Variants in CNTN5 observed in about 807,000 individuals in gnomAD.
CNTN5 encodes contactin-5.
Under a neutral mutation model 129.1 loss-of-function variants are expected in CNTN5, and 77 were observed. The observed-to-expected ratio is 0.60, with a 90% CI of 0.50 to 0.72. The LOEUF is 0.72. CNTN5 is among the 30% of genes least tolerant of loss of function. The probability of loss-of-function intolerance (pLI) is 0.00; values close to 1 mark genes in which losing one functional copy is unlikely to be tolerated. For synonymous variants in CNTN5, 509 were observed against 465.6 expected, an observed-to-expected ratio of 1.09 and a Z score of -1.20; for missense variants, 1,478 against 1,328.8, an observed-to-expected ratio of 1.11 and a Z score of -1.75.
At chr11:99,388,538 G>A (rs986551249) in intron 2 of CNTN5, among the ~76,000 whole-genome samples, 39 of 151,912 alleles carry the variant, frequency 2.6e-4, no homozygotes, top group African/African-American at 9.2e-4. Flanking sequence ...AGAATGATAT[G>A]CAATCAATAA....
At chr11:100,003,567 A>G (rs1219280422) in intron 9 of CNTN5, among the ~76,000 whole-genome samples, 3 of 152,232 alleles carry the variant, frequency 2.0e-5, no homozygotes, top group African/African-American at 7.2e-5. Flanking sequence ...AAAACAAATT[A>G]GAAAACTAGA....
At chr11:100,167,088 C>G (rs1291270302) in intron 13 of CNTN5, among the ~76,000 whole-genome samples, 1 of 151,726 alleles carries the variant, frequency 6.6e-6, no homozygotes, top group Non-Finnish European at 1.5e-5. Context: ...AAAATCATGT[C>G]ATTTCCAACC....
intron 2 of CNTN5, among the ~76,000 whole-genome samples, chr11:99,448,396 G>A (rs560921796): frequency 1.6e-4 from 25 of 152,270 alleles, no homozygotes; most frequent in African/African-American, 5.8e-4. Context: ...TAGCTAATGA[G>A]TATATCATGC....
intron 1 of CNTN5, among the ~76,000 whole-genome samples, chr11:99,113,665 T>A (rs1463115739): frequency 1.3e-5 from 2 of 152,150 alleles, no homozygotes; most frequent in African/African-American, 2.4e-5. Context: ...GTCATATTTA[T>A]GTCCTTGAAA....
chr11:99,735,911 C>T (rs1041963599), intron 3 of CNTN5, among the ~76,000 whole-genome samples: 4 of 152,254 alleles, frequency 2.6e-5, no homozygotes, highest in East Asian at 1.9e-4. Context: ...ACTTTGTACA[C>T]CTTGACCACC....
chr11:99,992,161 C>G (rs1679940016), intron 8 of CNTN5, among the ~76,000 whole-genome samples: 1 of 152,122 alleles, frequency 6.6e-6, no homozygotes, highest in Non-Finnish European at 1.5e-5. Context: ...CTCATTAGTC[C>G]AGCCAAATTC....
chr11:99,245,221 A>T (rs1861757219), intron 1 of CNTN5, among the ~76,000 whole-genome samples: 1 of 152,216 alleles, frequency 6.6e-6, no homozygotes, highest in Non-Finnish European at 1.5e-5. Context: ...TAATTCTGGT[A>T]CAAAAGTAAG....
intron 1 of CNTN5, among the ~76,000 whole-genome samples, chr11:99,210,639 A>C (rs1465443116): frequency 6.6e-6 from 1 of 152,178 alleles, no homozygotes; most frequent in Non-Finnish European, 1.5e-5. Flanking sequence ...TCTCAAAAAG[A>C]CTAAAAATAT....
intron 16 of CNTN5, among the ~76,000 whole-genome samples, chr11:100,253,265 C>A (rs937115971): frequency 5.3e-5 from 8 of 152,160 alleles, no homozygotes; most frequent in South Asian, 2.1e-4. Flanking sequence ...GATTTACAAT[C>A]ACATCCAAAT....
At chr11:100,013,160 G>T (rs760839638) in intron 9 of CNTN5, among the ~76,000 whole-genome samples, 24 of 152,216 alleles carry the variant, frequency 1.6e-4, no homozygotes, top group Middle Eastern at 3.4e-3. Flanking sequence ...ATATGCTGTG[G>T]AGTAATAGTC....
At chr11:100,275,443 G>A (rs1950489510) in intron 18 of CNTN5, among the ~76,000 whole-genome samples, 1 of 152,190 alleles carries the variant, frequency 6.6e-6, no homozygotes, top group Admixed American at 6.5e-5. Flanking sequence ...TGTTAATTGT[G>A]TTTAAACAAA....
At chr11:99,590,803 C>T (rs1387317689) in intron 3 of CNTN5, among the ~76,000 whole-genome samples, 2 of 152,050 alleles carry the variant, frequency 1.3e-5, no homozygotes, top group African/African-American at 4.8e-5. Flanking sequence ...CTTGACCATG[C>T]TAGGGTTTAT....
chr11:99,606,014 G>A (rs1230752057), intron 3 of CNTN5, among the ~76,000 whole-genome samples: 1 of 58,130 alleles, frequency 1.7e-5, no homozygotes, highest in Admixed American at 2.2e-4. Context: ...AAAACTGGAA[G>A]CATTCCCTTT....
chr11:99,134,504 C>A (rs1165901848), intron 1 of CNTN5, among the ~76,000 whole-genome samples: 2 of 151,704 alleles, frequency 1.3e-5, no homozygotes, highest in African/African-American at 4.9e-5. Flanking sequence ...ATGTCAGTGA[C>A]CATGAGAAAA....
At chr11:99,771,183 T>C (rs1944932747) in intron 3 of CNTN5, among the ~76,000 whole-genome samples, 1 of 152,008 alleles carries the variant, frequency 6.6e-6, no homozygotes. Context: ...TGAAACAAAC[T>C]GGACTTTCAC....
At chr11:99,857,813 T>C (rs1948086229) in intron 6 of CNTN5, among the ~76,000 whole-genome samples, 1 of 152,190 alleles carries the variant, frequency 6.6e-6, no homozygotes, top group African/African-American at 2.4e-5. Flanking sequence ...AATATAGTTC[T>C]ATAATTCTAG....
chr11:99,193,724 G>A (rs1043384658), intron 1 of CNTN5, among the ~76,000 whole-genome samples: 1 of 152,100 alleles, frequency 6.6e-6, no homozygotes, highest in Non-Finnish European at 1.5e-5. Context: ...CCAGGAGACC[G>A]TTTCACAGGC....
intron 1 of CNTN5, among the ~76,000 whole-genome samples, chr11:99,282,266 A>G (rs7932899): frequency 0.2 from 30,967 of 152,082 alleles, 3,346 homozygotes; most frequent in Non-Finnish European, 0.23. Flanking sequence ...AATATGGACA[A>G]TAAGCTATTA....
At chr11:99,766,887 A>G (rs1219768024) in intron 3 of CNTN5, among the ~76,000 whole-genome samples, 2 of 152,218 alleles carry the variant, frequency 1.3e-5, no homozygotes, top group African/African-American at 4.8e-5. Flanking sequence ...ATTATCTCAG[A>G]TTACAACGAT....
Sources: gnomAD v4.1 joint callset for allele counts (sites outside exome capture counted in the v4.1 genomes callset) on GRCh38, gnomAD v4.1.1 for gene constraint, MANE v1.5 for transcripts, NCBI Gene and HGNC (gene_info 2026-07-23, HGNC 2026-07-21) for gene names.